Variants in SI observed in about 807,000 individuals in gnomAD.
SI encodes sucrase-isomaltase, intestinal.
Under a neutral mutation model 253.3 loss-of-function variants are expected in SI, and 235 were observed. That is an observed-to-expected ratio of 0.93 (90% CI 0.83 to 1.03). The LOEUF is 1.03. Ranked by LOEUF, SI falls within the 50% of genes least tolerant of loss-of-function variation. The pLI is 0.00. For missense variants in SI, 2,442 were observed against 2,211.1 expected, an observed-to-expected ratio of 1.10 and a Z score of -2.09; for synonymous variants, 819 against 712.0, an observed-to-expected ratio of 1.15 and a Z score of -2.39.
chr3:165,039,835 A>AGT, intron 19 of SI, 52 bp downstream of exon 19: 2 of 1,238,810 alleles, frequency 1.6e-6, no homozygotes, highest in Non-Finnish European at 2.4e-6. Context: ...TGTAGGGTCG[A>AGT]TTTAGTTATA....
intron 12 of SI, among the ~76,000 whole-genome samples, chr3:165,055,525 GA>G (rs1713654250): frequency 1.3e-5 from 2 of 151,850 alleles, no homozygotes; most frequent in African/African-American, 2.4e-5. Context: ...CATTTAGGAA[GA>G]AAAAAATTAT....
intron 45 of SI, 116 bp downstream of exon 45, chr3:164,987,022 C>T (rs1717469603): frequency 1.2e-6 from 1 of 834,696 alleles, no homozygotes; most frequent in South Asian, 1.4e-5. Context: ...ATCTTTTAGC[C>T]TTGAATAATA....
chr3:165,078,229 A>T (rs1423821848), intron 1 of SI, among the ~76,000 whole-genome samples: 1 of 151,556 alleles, frequency 6.6e-6, no homozygotes, highest in African/African-American at 2.4e-5. Context: ...GGGCCAAAAA[A>T]AATCCTGTAT....
At position 165,063,468 on chromosome 3, in the gene SI, A is replaced by C. The variant is rs767579358; in HGVS notation, c.881T>G (p.Val294Gly). The C allele has an allele frequency of 8.4e-6, 13 of 1,542,924 alleles. No homozygotes were observed. Among genetic ancestry groups the C allele is most frequent in the African/African-American group, 8.2e-5 (6 of 73,454 alleles). ...IEDTSGKSFG[V>G]FLMNSNAMEI... ...CATTGCATTGCTATTCATTAAAAAA[A>C]CACCGAATGACTTTCCAGATGTATC... Residue 294 changes from valine to glycine, a missense_variant, in exon 8 of 48, where the codon GTT becomes GGT. Physicochemically the swap from Val to Gly is moderately radical, Grantham distance 109 (BLOSUM62 -3). Coordinates refer to ENST00000264382, the MANE Select transcript of SI (RefSeq NM_001041.4).
chr3:165,015,132 A>G lies in SI; in HGVS notation c.3990T>C (p.Cys1330=). The G allele has an allele frequency of 6.2e-7, 1 of 1,609,394 alleles. No individual in the cohort carries two copies. Among genetic ancestry groups the G allele is most frequent in the Non-Finnish European group, 8.5e-7 (1 of 1,175,950 alleles). ...FVKWPNTNDI[C]WAKVWPDLPN... The stretch of plus-strand genomic sequence containing the variant: ...GATATCGATTTAGTACCTTTGCCCA[A>G]CAAATGTCATTGGTGTTTGGCCATT... Residue 1330 remains cysteine (C), a synonymous_variant, in exon 33 of 48, where the codon TGT becomes TGC. Transcript: ENST00000264382.
In SI at chr3:165,036,447, T is replaced by C. The variant is rs1407780082; in HGVS notation, c.2457A>G (p.Ala819=). Residue 819 remains alanine, a synonymous_variant, in exon 22 of 48, where the codon GCA becomes GCG. Transcript: ENST00000264382. ...SRKNPLGLIV[A]LGENNTAKGD... is the part of the protein sequence containing the mutation. ...CTTTGGCTGTGTTGTTTTCACCTAA[T>C]GCGACTATAAGTCCTAGAGGATTCT... 1.2e-6 allele frequency: 2 copies of C among 1,611,540 alleles called. No individual in the cohort carries two copies. The highest frequency in any genetic ancestry group is 1.7e-6 in the Non-Finnish European group (2 of 1,178,330).
intron 3 of SI, among the ~76,000 whole-genome samples, chr3:165,071,034 T>A (rs1255281578): frequency 6.6e-6 from 1 of 152,112 alleles, no homozygotes; most frequent in Non-Finnish European, 1.5e-5. Context: ...TGTCTCTGTG[T>A]GTGGTTCCTT....
At chr3:165,072,391 A>G (rs898715827) in intron 3 of SI, among the ~76,000 whole-genome samples, 3 of 152,042 alleles carry the variant, frequency 2.0e-5, no homozygotes, top group African/African-American at 7.2e-5. Flanking sequence ...GAAAAGTATT[A>G]TTAAAGATAC....
At position 165,019,765 on chromosome 3, in the gene SI, T is replaced by A; in HGVS notation, c.3260A>T (p.Asp1087Val). 6.2e-7 allele frequency: 1 copy of A among 1,612,086 alleles called. No individual in the cohort carries two copies. The highest frequency in any genetic ancestry group is 8.5e-7 in the Non-Finnish European group (1 of 1,178,704). The change falls in exon 28 of 48, where the codon GAT becomes GTT. Residue 1087 changes from aspartate (D) to valine (V), a missense_variant. Transcript: ENST00000264382. ...AAAAGCAAATCCAGGCAGCCAAGAA[T>A]CCCAACTGAAAACAAAAGAAAACAA... is the stretch of plus-strand genomic sequence containing the variant. ...RRRSSGRVIW[D>V]SWLPGFAFND...
At chr3:165,059,741 G>A (rs1034862370) in intron 10 of SI, among the ~76,000 whole-genome samples, 161 bp downstream of exon 10, 6 of 151,838 alleles carry the variant, frequency 4.0e-5, no homozygotes, top group Non-Finnish European at 5.9e-5. Context: ...GGAGGCAAGG[G>A]CATTACATAT....
In SI at chr3:165,032,521, C is replaced by T; in HGVS notation, c.2736+1G>A. 3.8e-6 allele frequency: 6 copies of T among 1,588,720 alleles called. No homozygotes were observed. Among genetic ancestry groups the T allele is most frequent in the Non-Finnish European group, 5.2e-6 (6 of 1,159,606 alleles). On this transcript the variant is annotated splice_donor_variant, in intron 24 of 47. Coordinates refer to ENST00000264382, the MANE Select transcript of SI (RefSeq NM_001041.4). LOFTEE classifies it high-confidence loss of function. ...AAAATATTTTAAAAGATTGTAATTA[C>T]CTGGTTAGAAGCATCATAAGTGAAA...
intron 17 of SI, among the ~76,000 whole-genome samples, chr3:165,042,816 G>C (rs1420096782): frequency 1.3e-5 from 2 of 152,014 alleles, no homozygotes; most frequent in Non-Finnish European, 2.9e-5. Flanking sequence ...TTATGCGTTA[G>C]TCTCAACTAA....
At chr3:165,018,813 T>C (rs1284089905) in intron 28 of SI, among the ~76,000 whole-genome samples, 1 of 151,628 alleles carries the variant, frequency 6.6e-6, no homozygotes, top group African/African-American at 2.4e-5. Context: ...GTAAAATGTA[T>C]TCTTTCAAGT....
intron 16 of SI, among the ~76,000 whole-genome samples, chr3:165,044,720 T>G (rs970061607): frequency 3.3e-5 from 5 of 152,028 alleles, no homozygotes; most frequent in Non-Finnish European, 7.4e-5. Flanking sequence ...ACTTTTCAAA[T>G]GTTCTTTTGA....
chr3:165,030,685 ATGAG>A (rs780809374), intron 25 of SI, 23 bp downstream of exon 25: 21 of 1,602,416 alleles, frequency 1.3e-5, no homozygotes, highest in Non-Finnish European at 1.8e-5. Context: ...TAACCATATC[ATGAG>A]TAATAGTTAA....
chr3:165,054,119 T>G (rs903833499), intron 13 of SI, among the ~76,000 whole-genome samples: 15 of 152,124 alleles, frequency 9.9e-5, no homozygotes, highest in Admixed American at 3.9e-4. Flanking sequence ...AAATAAATAT[T>G]TGCTAACTAA....
intron 37 of SI, 104 bp downstream of exon 37, chr3:165,006,712 A>G: frequency 1.0e-6 from 1 of 992,112 alleles, no homozygotes; most frequent in Admixed American, 1.9e-5. Flanking sequence ...ATTGGGAAGT[A>G]AAGAGATACA....
chr3:165,018,936 T>A (rs991068776), intron 28 of SI, among the ~76,000 whole-genome samples: 12 of 151,948 alleles, frequency 7.9e-5, no homozygotes, highest in African/African-American at 2.6e-4. Context: ...CACAGACTTA[T>A]AGTATGGTAC....
intron 13 of SI, among the ~76,000 whole-genome samples, chr3:165,053,513 T>C (rs138999592): frequency 1.4e-4 from 22 of 152,302 alleles, no homozygotes; most frequent in African/African-American, 4.6e-4. Context: ...TTATCCATGA[T>C]ATATATTAGT....
Sources: allele counts gnomAD v4.1 joint callset (sites outside exome capture counted in the v4.1 genomes callset), GRCh38; gene constraint gnomAD v4.1.1; transcripts MANE v1.5; gene names NCBI Gene and HGNC (gene_info 2026-07-23, HGNC 2026-07-21).